The following ATRX variants were observed in gnomAD, a reference collection of about 807,000 sequenced individuals.
The protein encoded by ATRX is ATRX chromatin remodeler.
In ATRX, 12 loss-of-function variants were observed where a neutral mutation model predicts 172.6. That is an observed-to-expected ratio of 0.07 (90% CI 0.04 to 0.11). ATRX has a LOEUF of 0.11. Among genes scored for constraint, ATRX ranks in the 10% least tolerant of loss-of-function variants. The pLI is 1.00. For missense variants in ATRX, 1,368 were observed against 1,767.4 expected, an observed-to-expected ratio of 0.77 and a Z score of 4.05; for synonymous variants, 674 against 594.7, an observed-to-expected ratio of 1.13 and a Z score of -1.94.
Position 77,655,818 on chromosome X carries a change from A to C in ATRX, c.4214+742T>G, listed in dbSNP as rs112815125. On this transcript the variant is annotated intron_variant, in intron 13 of 34. Coordinates refer to ENST00000373344, the MANE Select transcript of ATRX (RefSeq NM_000489.6). Reference sequence around the variant, plus strand: ...TAAGTATTAACCTAAAAAAACCTCGAATGTTCTAAAACTTACAAATGCAGA... The same window carrying C: ...TAAGTATTAACCTAAAAAAACCTCGCATGTTCTAAAACTTACAAATGCAGA... Among the ~76,000 whole-genome samples the C allele has an allele frequency of 2.0e-3, 222 of 111,192 alleles. 2 individuals are homozygous for C. Among genetic ancestry groups the C allele is most frequent in the African/African-American group, 6.7e-3 (205 of 30,811 alleles).
At chrX:77,537,896 G>A (rs1014519418) in intron 30 of ATRX, among the ~76,000 whole-genome samples, 2 of 110,805 alleles carry the variant, frequency 1.8e-5, no homozygotes, top group East Asian at 2.8e-4. Flanking sequence ...GCAAAGTCAC[G>A]GAATCAGCCT....
chrX:77,567,454 G>A (rs1557065100), intron 28 of ATRX, among the ~76,000 whole-genome samples: 2 of 111,291 alleles, frequency 1.8e-5, no homozygotes, highest in African/African-American at 6.5e-5. Flanking sequence ...AACAAGAGTG[G>A]TTATATTAGT....
chrX:77,646,334 T>C (rs1008914755), intron 15 of ATRX, among the ~76,000 whole-genome samples: 1 of 111,280 alleles, frequency 9.0e-6, no homozygotes, highest in Non-Finnish European at 1.9e-5. Context: ...TCAGACAAAA[T>C]AGACTTTAAG....
chrX:77,569,170 C>T (rs1388935901), intron 28 of ATRX, among the ~76,000 whole-genome samples: 1 of 110,770 alleles, frequency 9.0e-6, no homozygotes, highest in African/African-American at 3.3e-5. Flanking sequence ...TTACAGCTAA[C>T]ATCATAGTTA....
At chrX:77,766,008 G>A (rs1198361427) in intron 1 of ATRX, among the ~76,000 whole-genome samples, 3 of 111,301 alleles carry the variant, frequency 2.7e-5, no homozygotes, top group African/African-American at 6.5e-5. Flanking sequence ...AGGGTTGGGG[G>A]TAAGGTCACA....
chrX:77,780,187 C>T (rs903323409), intron 1 of ATRX, among the ~76,000 whole-genome samples: 3 of 111,483 alleles, frequency 2.7e-5, no homozygotes, highest in African/African-American at 9.8e-5. Context: ...ACACCTGTAA[C>T]CTAACCATGT....
Position 77,556,211 on chromosome X carries a change from A to G in ATRX, c.6699+1240T>C, listed in dbSNP as rs189627656. Among the ~76,000 whole-genome samples, 14 of 15,829 alleles carry G rather than the reference A, an allele frequency of 8.8e-4. No homozygotes were observed. In the South Asian group the frequency reaches 0.032, roughly 36 times the overall value. 13.7% of individuals were successfully genotyped at this position (15,829 alleles called of 115,157 possible). A position where few individuals can be genotyped will look rare whatever the true frequency, so the allele number is the denominator to read the frequency against. On this transcript the variant is annotated intron_variant, in intron 30 of 34. Transcript: ENST00000373344. Reference sequence around the variant, plus strand: ...AAGGAGAGGGAGAGGGAGAGGGGGAAAGGGAGAGAGGGAGAGAGGGAGAGA... The same window carrying G: ...AAGGAGAGGGAGAGGGAGAGGGGGAGAGGGAGAGAGGGAGAGAGGGAGAGA...
intron 1 of ATRX, among the ~76,000 whole-genome samples, chrX:77,729,865 A>T (rs1557175296): frequency 9.0e-6 from 1 of 111,403 alleles, no homozygotes; most frequent in Non-Finnish European, 1.9e-5. Flanking sequence ...TGAACCCGGG[A>T]GGCAGAGGCT....
At chrX:77,561,620 A>T (rs1348610871) in intron 28 of ATRX, 1 of 111,322 alleles carries the variant, frequency 9.0e-6, no homozygotes, top group Non-Finnish European at 1.9e-5. Context: ...TGTTCTATAA[A>T]GTAGTTATTC....
intron 1 of ATRX, among the ~76,000 whole-genome samples, chrX:77,776,834 G>A (rs2076366873): frequency 9.0e-6 from 1 of 111,545 alleles, no homozygotes; most frequent in South Asian, 3.7e-4. Flanking sequence ...GCTGGTAGAT[G>A]TCAGACGTGT....
At position 77,633,665 on chromosome X, in the gene ATRX, G is replaced by C. The variant is rs2148343356; in HGVS notation, c.4857C>G (p.Phe1619Leu). ...GAGGACAAACCACTAACGCCGTGCT[G>C]AAATCCAGTTTGTCACACAAAAGAA... is the stretch of plus-strand genomic sequence containing the variant. ...HTVLLCDKLD[F>L]STALVVCPLN... The change falls in exon 18 of 35, where the codon TTC (phenylalanine) becomes TTG (leucine). Residue 1619 changes from phenylalanine (F) to leucine (L), a missense_variant. Phe to Leu is a conservative substitution (Grantham distance 22). Around this residue, in one of 17 missense-constraint regions of ATRX, gnomAD observed 17 missense variants for 22.8 expected, o/e 0.75. Transcript: ENST00000373344. 8.3e-7 allele frequency: 1 copy of C among 1,210,286 alleles called. No individual in the cohort carries two copies. The highest frequency in any genetic ancestry group is 1.1e-6 in the Non-Finnish European group (1 of 894,491).
chrX:77,681,661 C>G lies in ATRX; in HGVS notation c.3595G>C (p.Asp1199His), dbSNP rs2071202071. The G allele has an allele frequency of 1.7e-6, 2 of 1,206,634 alleles. No homozygotes were observed. The highest frequency in any genetic ancestry group is 3.5e-5 in the African/African-American group (2 of 56,946). The change falls in exon 9 of 35, where the codon GAC becomes CAC. Residue 1199 changes from aspartate (D) to histidine (H), a missense_variant. Asp to His is a moderately conservative substitution (Grantham distance 81). This residue lies in a region of ATRX where 843 missense variants were observed against 643.1 expected (regional missense o/e 1.31). Coordinates refer to ENST00000373344, the MANE Select transcript of ATRX (RefSeq NM_000489.6). ...TCAGAAGAAGATGAGGATGTAATGTCAGCTTGCTTCCTTTTAGTGCTTGTT... is the reference window on the plus strand; with the variant it reads ...TCAGAAGAAGATGAGGATGTAATGTGAGCTTGCTTCCTTTTAGTGCTTGTT... ...LRTSTKRKQA[D>H]ITSSSSSDIE...
chrX:77,746,158 G>A (rs1416700171), intron 1 of ATRX, among the ~76,000 whole-genome samples: 4 of 110,811 alleles, frequency 3.6e-5, no homozygotes, highest in Non-Finnish European at 7.6e-5. Context: ...GAGAGAGCAG[G>A]AGGTGGGAGA....
chrX:77,713,027 T>C (rs2073190227), intron 2 of ATRX, among the ~76,000 whole-genome samples: 1 of 109,526 alleles, frequency 9.1e-6, no homozygotes, highest in South Asian at 3.9e-4. Context: ...CGCATGACTG[T>C]AGTCTCAGCT....
At chrX:77,590,611 CAA>C (rs782519159) in intron 26 of ATRX, among the ~76,000 whole-genome samples, 3 of 32,408 alleles carry the variant, frequency 9.3e-5, no homozygotes, top group South Asian at 3.3e-3. Flanking sequence ...GACTCTGTCT[CAA>C]AAAAAAAAAA....
intron 30 of ATRX, among the ~76,000 whole-genome samples, chrX:77,545,601 TGA>T (rs782768996): frequency 2.7e-3 from 296 of 111,160 alleles, no homozygotes; most frequent in Non-Finnish European, 3.8e-3. Context: ...GAGATAAGAC[TGA>T]GATACTCTTC....
chrX:77,512,532 A>T (rs1372639512), intron 34 of ATRX, among the ~76,000 whole-genome samples: 1 of 112,647 alleles, frequency 8.9e-6, no homozygotes, highest in Non-Finnish European at 1.9e-5. Flanking sequence ...CCTCATGGTA[A>T]CTTCAAAAAA....
rs185436258 is a variant in ATRX, at chrX:77,676,166, T to G, written c.3809+60A>C. On this transcript the variant is annotated intron_variant, in intron 10 of 34. Coordinates refer to ENST00000373344, the MANE Select transcript of ATRX (RefSeq NM_000489.6). The stretch of plus-strand genomic sequence containing the variant: ...CTGCTTGCTGTTCCGTTGCTGCTGT[T>G]TGTGCCCATGCCTAGGGTGTGTTAT... 6.9e-4 allele frequency: 744 copies of G among 1,084,623 alleles called. 3 individuals are homozygous for G. In the African/African-American group the frequency reaches 0.012, roughly 18 times the overall value. The allele number at this position is 1,084,623 out of a possible 1,213,427, so 89.4% of individuals were successfully genotyped here. A position where few individuals can be genotyped will look rare whatever the true frequency, so the allele number is the denominator to read the frequency against.
At chrX:77,771,287 A>G (rs1373156124) in intron 1 of ATRX, among the ~76,000 whole-genome samples, 1 of 108,828 alleles carries the variant, frequency 9.2e-6, no homozygotes, top group Non-Finnish European at 1.9e-5. Context: ...GAGGCAGAAG[A>G]ATCACTTAAA....
Sources: gnomAD v4.1 joint callset for allele counts (sites outside exome capture counted in the v4.1 genomes callset) on GRCh38, gnomAD v4.1.1 for gene constraint, gnomAD v4.1.1 regional missense constraint, MANE v1.5 for transcripts, NCBI Gene and HGNC (gene_info 2026-07-23, HGNC 2026-07-21) for gene names.